TSPAN9: variants seen among roughly 807,000 people sequenced by gnomAD.
TSPAN9 encodes tetraspanin-9.
A neutral mutation model predicts 31.0 loss-of-function variants in TSPAN9; 16 were observed. That is an observed-to-expected ratio of 0.52 (90% CI 0.35 to 0.78). TSPAN9 has a LOEUF of 0.78. Among genes scored for constraint, TSPAN9 ranks in the 30% least tolerant of loss-of-function variants. The pLI is 0.01. For missense variants in TSPAN9, 272 were observed against 312.5 expected, an observed-to-expected ratio of 0.87 and a Z score of 0.98; for synonymous variants, 145 against 121.6, an observed-to-expected ratio of 1.19 and a Z score of -1.27.
chr12:3,223,276 T>C (rs928051383), intron 3 of TSPAN9, among the ~76,000 whole-genome samples: 3 of 152,186 alleles, frequency 2.0e-5, no homozygotes, highest in Non-Finnish European at 2.9e-5. Context: ...ACAGTGAAAT[T>C]CTGTGCCCCT....
chr12:3,091,091 C>A (rs936205698), intron 2 of TSPAN9, among the ~76,000 whole-genome samples: 2 of 152,226 alleles, frequency 1.3e-5, no homozygotes, highest in African/African-American at 4.8e-5. Context: ...TCTTGGTACT[C>A]CCTGCTGATT....
In TSPAN9 at chr12:3,283,405, G is replaced by A. The variant is rs1015630995; in HGVS notation, c.*289G>A. The A allele has an allele frequency of 3.0e-5, 10 of 329,074 alleles. No homozygotes were observed. Among genetic ancestry groups the A allele is most frequent in the South Asian group, 2.7e-4 (5 of 18,564 alleles). The allele number at this position is 329,074 out of a possible 1,614,324, so 20.4% of individuals were successfully genotyped here. On this transcript the variant is annotated 3_prime_UTR_variant, in exon 9 of 9. Transcript: ENST00000011898. ...TGGGGTGCGCTCCGGAGGAACCCCCGGCACTGATGGGCTTCTGCCCCTGCC... is the reference window on the plus strand; with the variant it reads ...TGGGGTGCGCTCCGGAGGAACCCCCAGCACTGATGGGCTTCTGCCCCTGCC...
intron 3 of TSPAN9, among the ~76,000 whole-genome samples, chr12:3,205,618 C>T (rs1252868145): frequency 6.6e-6 from 1 of 152,074 alleles, no homozygotes; most frequent in Non-Finnish European, 1.5e-5. Context: ...AGTGAGTGGG[C>T]TCAAGGGTCC....
intron 2 of TSPAN9, among the ~76,000 whole-genome samples, chr12:3,105,236 G>A (rs77263674): frequency 0.011 from 1,718 of 152,268 alleles, 39 homozygotes; most frequent in African/African-American, 0.038. Context: ...GCAGATGGAG[G>A]AGTGCGGCAG....
intron 2 of TSPAN9, among the ~76,000 whole-genome samples, chr12:3,169,601 TA>T (rs1235343964): frequency 6.6e-6 from 1 of 152,140 alleles, no homozygotes; most frequent in Non-Finnish European, 1.5e-5. Flanking sequence ...CCATTATTAA[TA>T]ACAAACCCTG....
chr12:3,269,031 GCCCT>G (rs1221023901), intron 3 of TSPAN9, among the ~76,000 whole-genome samples: 1 of 86,584 alleles, frequency 1.2e-5, no homozygotes, highest in Non-Finnish European at 2.3e-5. Flanking sequence ...CCTGCAGCCT[GCCCT>G]CCCTGTGTTC....
At chr12:3,154,081 T>TG (rs2098341163) in intron 2 of TSPAN9, among the ~76,000 whole-genome samples, 1 of 152,110 alleles carries the variant, frequency 6.6e-6, no homozygotes, top group Admixed American at 6.6e-5. Context: ...TCTAGCTGTC[T>TG]GCTCCCCCTT....
At position 3,271,017 on chromosome 12, in the gene TSPAN9, G is replaced by C. The variant is rs74338039; in HGVS notation, c.64-7404G>C. 8.8e-3 allele frequency among the ~76,000 whole-genome samples: 1,334 copies of C among 152,324 alleles called. 16 individuals are homozygous for C. The highest frequency in any genetic ancestry group is 0.03 in the African/African-American group (1,259 of 41,584). Reference sequence around the variant, plus strand: ...TGGGTAGACATTCTCTCTTAGAACTGTCTCACATGGAGAATAACCCCATTC... The same window carrying C: ...TGGGTAGACATTCTCTCTTAGAACTCTCTCACATGGAGAATAACCCCATTC... On this transcript the variant is annotated intron_variant, in intron 3 of 8. Transcript: ENST00000011898.
intron 3 of TSPAN9, among the ~76,000 whole-genome samples, chr12:3,226,706 GTA>G (rs2098387425): frequency 3.9e-5 from 1 of 25,358 alleles, no homozygotes; most frequent in African/African-American, 1.6e-4. Context: ...GTGTGTGTGT[GTA>G]TGTGTATGTA....
At chr12:3,154,089 C>G (rs867727451) in intron 2 of TSPAN9, among the ~76,000 whole-genome samples, 1 of 151,976 alleles carries the variant, frequency 6.6e-6, no homozygotes, top group Non-Finnish European at 1.5e-5. Flanking sequence ...TCTGCTCCCC[C>G]TTTTGCGTTA....
At chr12:3,207,654 T>A (rs755161976) in intron 3 of TSPAN9, among the ~76,000 whole-genome samples, 2 of 152,144 alleles carry the variant, frequency 1.3e-5, no homozygotes, top group Non-Finnish European at 2.9e-5. Context: ...CCCAGCAAAC[T>A]TTGAGGCTCC....
chr12:3,244,180 A>G (rs1055868358), intron 3 of TSPAN9, among the ~76,000 whole-genome samples: 4 of 152,150 alleles, frequency 2.6e-5, no homozygotes, highest in African/African-American at 7.2e-5. Flanking sequence ...GGAGGTGTCT[A>G]TGTCTGTGAC....
Position 3,284,894 on chromosome 12 carries a change from A to G in TSPAN9, c.*1778A>G, listed in dbSNP as rs1862984270. On this transcript the variant is annotated 3_prime_UTR_variant, in exon 9 of 9. Coordinates refer to ENST00000011898, the MANE Select transcript of TSPAN9 (RefSeq NM_006675.5). ...AAGAGCTGAGACACGGCCACCCAGC[A>G]CCAGTCACTCCTCTGTTCACCTTAA... is the stretch of plus-strand genomic sequence containing the variant. 1 of 152,286 alleles carries G rather than the reference A, an allele frequency of 6.6e-6. No homozygotes were observed. The highest frequency in any genetic ancestry group is 1.5e-5 in the Non-Finnish European group (1 of 68,080). 9.4% of individuals were successfully genotyped at this position (152,286 alleles called of 1,614,324 possible). A position where few individuals can be genotyped will look rare whatever the true frequency, so the allele number is the denominator to read the frequency against.
At chr12:3,105,822 GCACA>G (rs1258672097) in intron 2 of TSPAN9, among the ~76,000 whole-genome samples, 1 of 121,886 alleles carries the variant, frequency 8.2e-6, no homozygotes, top group Non-Finnish European at 2.0e-5. Flanking sequence ...ACGCACACGC[GCACA>G]CACACTTTCA....
At chr12:3,175,420 A>G (rs975487585) in intron 2 of TSPAN9, among the ~76,000 whole-genome samples, 5 of 152,202 alleles carry the variant, frequency 3.3e-5, no homozygotes, top group African/African-American at 1.2e-4. Context: ...GCTGCCTTGC[A>G]GGAGGTGTGA....
At position 3,143,288 on chromosome 12, in the gene TSPAN9, A is replaced by G. The variant is rs952638545; in HGVS notation, c.-17-57889A>G. Among the ~76,000 whole-genome samples, 8 of 146,428 alleles carry G rather than the reference A, an allele frequency of 5.5e-5. No individual in the cohort carries two copies. In the South Asian group the frequency reaches 6.3e-4, roughly 11 times the overall value. On this transcript the variant is annotated intron_variant, in intron 2 of 8. Transcript: ENST00000011898. This position sits in a 1 kb window ranked among gnomAD's most constrained non-coding sequence, Gnocchi z 4.2. ...TTAATCATAATTAATAATATTTATAATTATATTAATTATAATTAATACACC... is the reference window on the plus strand; with the variant it reads ...TTAATCATAATTAATAATATTTATAGTTATATTAATTATAATTAATACACC...
At position 3,226,774 on chromosome 12, in the gene TSPAN9, A is replaced by T. The variant is rs1443091360; in HGVS notation, c.63+25518A>T. On this transcript the variant is annotated intron_variant, in intron 3 of 8. Coordinates refer to ENST00000011898, the MANE Select transcript of TSPAN9 (RefSeq NM_006675.5). The stretch of plus-strand genomic sequence containing the variant: ...TATATATATATATATATATATATAT[A>T]TATATATATATATATATATATTTTT... Among the ~76,000 whole-genome samples, 4 of 1,758 alleles carry T rather than the reference A, an allele frequency of 2.3e-3. 1 individual carries two copies. The highest frequency in any genetic ancestry group is 0.019 in the East Asian group (1 of 52). The allele number at this position is 1,758 out of a possible 152,430, so 1.2% of individuals were successfully genotyped here.
chr12:3,130,377 C>T (rs1057185114), intron 2 of TSPAN9, among the ~76,000 whole-genome samples: 1 of 152,252 alleles, frequency 6.6e-6, no homozygotes, highest in African/African-American at 2.4e-5. Flanking sequence ...TTGTTCGCGT[C>T]AGCTACTAGC....
intron 3 of TSPAN9, among the ~76,000 whole-genome samples, chr12:3,232,146 A>G (rs2098391069): frequency 6.6e-6 from 1 of 152,218 alleles, no homozygotes; most frequent in Non-Finnish European, 1.5e-5. Flanking sequence ...AAGTGGGCAT[A>G]GAATTCCCAG....
Sources: gnomAD v4.1 joint callset for allele counts (sites outside exome capture counted in the v4.1 genomes callset) on GRCh38, gnomAD v4.1.1 for gene constraint, Gnocchi (gnomAD v3.1) non-coding constraint, MANE v1.5 for transcripts, NCBI Gene and HGNC (gene_info 2026-07-23, HGNC 2026-07-21) for gene names.